MED27: variants seen among roughly 807,000 people sequenced by gnomAD.
MED27 encodes mediator complex subunit 27, also known as mediator of RNA polymerase II transcription subunit 27.
A neutral mutation model predicts 38.2 loss-of-function variants in MED27; 30 were observed. The ratio of observed to expected loss-of-function variants is 0.79; its 90% CI spans 0.59 to 1.07. The LOEUF (loss-of-function observed/expected upper bound fraction) is 1.07. Ranked by LOEUF, MED27 falls within the 50% of genes least tolerant of loss-of-function variation. The pLI, the probability that MED27 is intolerant of heterozygous loss-of-function variation, is 0.00. For synonymous variants in MED27, 122 were observed against 153.5 expected, an observed-to-expected ratio of 0.79 and a Z score of 1.52; for missense variants, 289 against 397.5, an observed-to-expected ratio of 0.73 and a Z score of 2.32.
chr9:131,875,448 C>A (rs1170946604), intron 6 of MED27, among the ~76,000 whole-genome samples: 3 of 152,060 alleles, frequency 2.0e-5, no homozygotes, highest in Admixed American at 2.0e-4. Flanking sequence ...CCTGAGCCAC[C>A]GTGTCCACTG....
At chr9:132,053,905 T>A (rs1034207445) in intron 2 of MED27, among the ~76,000 whole-genome samples, 3 of 151,536 alleles carry the variant, frequency 2.0e-5, no homozygotes, top group African/African-American at 4.8e-5. Flanking sequence ...TGGGAAAAAA[T>A]ATATATAAAT....
chr9:132,062,065 G>T (rs964817285), intron 2 of MED27, among the ~76,000 whole-genome samples: 2 of 152,152 alleles, frequency 1.3e-5, no homozygotes, highest in African/African-American at 4.8e-5. Context: ...GCAGAAAAGT[G>T]GGCCTGGAAT....
chr9:132,076,473 T>A (rs1834050670), intron 2 of MED27, among the ~76,000 whole-genome samples: 1 of 151,940 alleles, frequency 6.6e-6, no homozygotes, highest in Non-Finnish European at 1.5e-5. Context: ...CAAAGAGAAA[T>A]TCAAAGAAAA....
At chr9:131,865,605 T>C (rs887841190) in intron 6 of MED27, among the ~76,000 whole-genome samples, 4 of 152,200 alleles carry the variant, frequency 2.6e-5, no homozygotes, top group Non-Finnish European at 4.4e-5. Flanking sequence ...GCAGCTGGGC[T>C]GGCTTTGTTT....
intron 6 of MED27, among the ~76,000 whole-genome samples, chr9:131,866,336 CG>C: frequency 6.6e-6 from 1 of 152,350 alleles, no homozygotes; most frequent in East Asian, 1.9e-4. Flanking sequence ...GGCAAGGCGT[CG>C]TGCAAATTAC....
chr9:131,907,979 T>C (rs1360910118), intron 4 of MED27, among the ~76,000 whole-genome samples: 2 of 145,794 alleles, frequency 1.4e-5, no homozygotes, highest in Non-Finnish European at 3.0e-5. Context: ...ACCCTCTGCC[T>C]GGCAACCGCC....
intron 6 of MED27, 35 bp from the exon 7 acceptor site, chr9:131,863,175 C>T (rs764678206): frequency 1.9e-6 from 3 of 1,586,090 alleles, no homozygotes; most frequent in Admixed American, 3.3e-5. Context: ...TTAGCGGCCA[C>T]TCCAAGCTGG....
At chr9:131,915,999 A>G (rs1027446091) in intron 4 of MED27, among the ~76,000 whole-genome samples, 1 of 152,262 alleles carries the variant, frequency 6.6e-6, no homozygotes, top group African/African-American at 2.4e-5. Context: ...AACTTTTATT[A>G]AAATCCAATA....
chr9:131,865,278 TG>T (rs574103409), intron 6 of MED27, among the ~76,000 whole-genome samples: 9 of 152,184 alleles, frequency 5.9e-5, no homozygotes, highest in Admixed American at 2.6e-4. Flanking sequence ...AAATGAGCAA[TG>T]TTTTTTTTTC....
intron 5 of MED27, among the ~76,000 whole-genome samples, chr9:131,888,442 C>T (rs1044894548): frequency 1.3e-5 from 2 of 152,210 alleles, no homozygotes; most frequent in African/African-American, 4.8e-5. Context: ...GGGCTGCGCG[C>T]TCCCTAAGCT....
chr9:132,009,146 G>C (rs1194104099), intron 3 of MED27, among the ~76,000 whole-genome samples: 1 of 152,068 alleles, frequency 6.6e-6, no homozygotes, highest in Non-Finnish European at 1.5e-5. Context: ...CAAAAACCAA[G>C]ATTATATCTT....
intron 3 of MED27, among the ~76,000 whole-genome samples, chr9:131,976,376 A>C (rs1368121093): frequency 6.6e-6 from 1 of 152,146 alleles, no homozygotes; most frequent in Non-Finnish European, 1.5e-5. Context: ...CCATTATCCT[A>C]ATCAGCTGAT....
Position 131,959,354 on chromosome 9 carries a change from C to G in MED27, c.480-19880G>C, listed in dbSNP as rs923300957. ...GTGGTCAGTTATATGATGAAGATAA[C>G]TCAGTACATTGAACTCTGACCCAGA... On this transcript the variant is annotated intron_variant, in intron 3 of 7. Transcript: ENST00000292035. Among the ~76,000 whole-genome samples the G allele has an allele frequency of 8.5e-5, 13 of 152,186 alleles. 1 individual carries two copies. Among genetic ancestry groups the G allele is most frequent in the Admixed American group, 7.2e-4 (11 of 15,280 alleles).
chr9:131,875,984 T>C (rs576954203), intron 6 of MED27, among the ~76,000 whole-genome samples: 1 of 152,348 alleles, frequency 6.6e-6, no homozygotes, highest in African/African-American at 2.4e-5. Context: ...CGGGACCTGA[T>C]GACACGGCGA....
intron 3 of MED27, among the ~76,000 whole-genome samples, chr9:131,960,570 CG>C (rs1767232463): frequency 6.6e-6 from 1 of 152,098 alleles, no homozygotes; most frequent in South Asian, 2.1e-4. Context: ...AATGCAACAG[CG>C]TTAAAGTCAA....
At chr9:131,896,058 C>T (rs534025206) in intron 4 of MED27, among the ~76,000 whole-genome samples, 5 of 152,280 alleles carry the variant, frequency 3.3e-5, no homozygotes, top group Non-Finnish European at 7.4e-5. Flanking sequence ...ACAACCACAT[C>T]TGGCTAAGTT....
intron 3 of MED27, among the ~76,000 whole-genome samples, chr9:132,007,996 A>C (rs1261402701): frequency 1.3e-5 from 2 of 152,204 alleles, no homozygotes; most frequent in African/African-American, 4.8e-5. Context: ...GCTTTCTGAA[A>C]AACTATTTGT....
At chr9:132,000,606 C>T (rs942121490) in intron 3 of MED27, among the ~76,000 whole-genome samples, 2 of 152,062 alleles carry the variant, frequency 1.3e-5, no homozygotes, top group African/African-American at 4.8e-5. Flanking sequence ...TGTCCATCAA[C>T]AGATAAATGG....
intron 5 of MED27, among the ~76,000 whole-genome samples, chr9:131,891,601 G>A (rs576689809): frequency 1.7e-4 from 26 of 152,282 alleles, no homozygotes; most frequent in African/African-American, 4.3e-4. Context: ...TCTCAAACTT[G>A]TTTGACCATG....
Sources: gnomAD v4.1 joint callset for allele counts (sites outside exome capture counted in the v4.1 genomes callset) on GRCh38, gnomAD v4.1.1 for gene constraint, MANE v1.5 for transcripts, NCBI Gene and HGNC (gene_info 2026-07-23, HGNC 2026-07-21) for gene names.